The following GALNTL6 variants were observed in gnomAD, a reference collection of about 807,000 sequenced individuals.
GALNTL6 encodes the protein polypeptide N-acetylgalactosaminyltransferase like 6, also known as polypeptide N-acetylgalactosaminyltransferase-like 6.
Under a neutral mutation model 73.7 loss-of-function variants are expected in GALNTL6, and 46 were observed. The observed-to-expected ratio is 0.62, with a 90% CI of 0.49 to 0.80. The LOEUF is 0.80. GALNTL6 is among the 30% of genes least tolerant of loss of function. GALNTL6 has a pLI of 0.00. For synonymous variants in GALNTL6, 259 were observed against 263.7 expected, an observed-to-expected ratio of 0.98 and a Z score of 0.17; for missense variants, 604 against 755.0, an observed-to-expected ratio of 0.80 and a Z score of 2.34.
At chr4:172,010,506 T>A (rs1031010623) in intron 2 of GALNTL6, among the ~76,000 whole-genome samples, 9 of 152,080 alleles carry the variant, frequency 5.9e-5, no homozygotes, top group Non-Finnish European at 1.3e-4. Flanking sequence ...CATACATTTT[T>A]TTCACTTGTC....
intron 5 of GALNTL6, among the ~76,000 whole-genome samples, chr4:172,569,532 A>G (rs533763722): frequency 6.6e-6 from 1 of 152,322 alleles, no homozygotes; most frequent in South Asian, 2.1e-4. Flanking sequence ...TGCTTCAGCA[A>G]ACCTGTGGCA....
At chr4:173,016,029 C>T (rs115535280) in intron 11 of GALNTL6, among the ~76,000 whole-genome samples, 3,421 of 152,330 alleles carry the variant, frequency 0.022, 72 homozygotes, top group Non-Finnish European at 0.031. Context: ...GCCATTGATT[C>T]AGAGGGTGCA....
intron 5 of GALNTL6, among the ~76,000 whole-genome samples, chr4:172,485,944 A>G (rs983722865): frequency 1.3e-5 from 2 of 152,144 alleles, no homozygotes; most frequent in African/African-American, 4.8e-5. Flanking sequence ...ATCTCAGAGC[A>G]TGTAAACCAT....
At chr4:172,202,892 T>C (rs1316650233) in intron 2 of GALNTL6, among the ~76,000 whole-genome samples, 3 of 152,214 alleles carry the variant, frequency 2.0e-5, no homozygotes, top group Non-Finnish European at 4.4e-5. Flanking sequence ...AACATTTTAA[T>C]TGAGTTTTGA....
intron 5 of GALNTL6, among the ~76,000 whole-genome samples, chr4:172,588,052 TA>T (rs1737487973): frequency 6.6e-6 from 1 of 152,106 alleles, no homozygotes; most frequent in African/African-American, 2.4e-5. Context: ...GAACTGAAGA[TA>T]TGGTTGATAT....
chr4:172,446,557 C>T (rs562110147), intron 5 of GALNTL6, among the ~76,000 whole-genome samples: 1 of 152,142 alleles, frequency 6.6e-6, no homozygotes, highest in South Asian at 2.1e-4. Flanking sequence ...ATCATAAAGC[C>T]CATGCTAAAT....
intron 4 of GALNTL6, among the ~76,000 whole-genome samples, chr4:172,343,418 A>C (rs528080634): frequency 1.3e-5 from 2 of 152,336 alleles, no homozygotes; most frequent in South Asian, 4.1e-4. Flanking sequence ...ACATTGTTGC[A>C]TATGTACTAA....
At chr4:172,283,913 G>A (rs13120184) in intron 3 of GALNTL6, among the ~76,000 whole-genome samples, 2,970 of 152,174 alleles carry the variant, frequency 0.02, 97 homozygotes, top group African/African-American at 0.068. Context: ...ACTAAAATGT[G>A]AGAAAATACT....
At chr4:172,415,284 A>G (rs931397954) in intron 5 of GALNTL6, among the ~76,000 whole-genome samples, 2 of 152,198 alleles carry the variant, frequency 1.3e-5, no homozygotes, top group African/African-American at 4.8e-5. Flanking sequence ...TTATCCCTGA[A>G]TCAGTTTCAG....
At chr4:172,745,446 T>TATATATATATACACAC (rs34523518) in intron 5 of GALNTL6, among the ~76,000 whole-genome samples, 23,647 of 144,716 alleles carry the variant, frequency 0.16, 2,484 homozygotes, top group Middle Eastern at 0.32. Flanking sequence ...TATATATATG[T>TATATATATATACACAC]ACACATAACT....
chr4:172,956,630 C>G (rs1749766636), intron 10 of GALNTL6, among the ~76,000 whole-genome samples: 1 of 152,080 alleles, frequency 6.6e-6, no homozygotes, highest in African/African-American at 2.4e-5. Context: ...GGGGCACAGT[C>G]CAAGTTGGTC....
rs547337750 is a variant in GALNTL6 at position 171,899,226 on chromosome 4, T to C, written c.138+84508T>C. On this transcript the variant is annotated intron_variant, in intron 2 of 12. Transcript: ENST00000506823. ...TGTAATTAGCACTGAAAAGTTACTG[T>C]TTGTGTTACCCTATGGCAAAGGCTC... Among the ~76,000 whole-genome samples the C allele has an allele frequency of 4.3e-3, 632 of 146,190 alleles. 2 individuals carry two copies. The highest frequency in any genetic ancestry group is 4.7e-3 in the Non-Finnish European group (311 of 66,094).
intron 2 of GALNTL6, among the ~76,000 whole-genome samples, chr4:172,191,204 T>C (rs1735571437): frequency 6.6e-6 from 1 of 152,212 alleles, no homozygotes; most frequent in South Asian, 2.1e-4. Flanking sequence ...TAAACTAGGG[T>C]TATTCTTGAA....
At chr4:172,561,678 G>A (rs2110926928) in intron 5 of GALNTL6, among the ~76,000 whole-genome samples, 1 of 152,204 alleles carries the variant, frequency 6.6e-6, no homozygotes, top group Non-Finnish European at 1.5e-5. Flanking sequence ...TTAATGTGCT[G>A]GTTCTCAAAC....
At position 172,808,031 on chromosome 4, in the gene GALNTL6, C is replaced by T. The variant is rs75609207; in HGVS notation, c.554-1330C>T. The stretch of plus-strand genomic sequence containing the variant: ...AAAGACTGGGTTTCACCATGTCGGT[C>T]AGGCTGGTCTTGAACTCCCGAAATC... On this transcript the variant is annotated intron_variant, in intron 5 of 12. Coordinates refer to ENST00000506823, the MANE Select transcript of GALNTL6 (RefSeq NM_001034845.3). Among the ~76,000 whole-genome samples, 896 of 152,274 alleles carry T rather than the reference C, an allele frequency of 5.9e-3. 11 individuals carry two copies. Among genetic ancestry groups the T allele is most frequent in the African/African-American group, 0.021 (860 of 41,558 alleles).
At position 172,882,796 on chromosome 4, in the gene GALNTL6, T is replaced by C; in HGVS notation, c.930T>C (p.Pro310=). ...RADPSDPFES[P]VMAGGLFAVD... is the part of the protein sequence containing the mutation. ...TATTTTGTTCATTTCACAGGTCTCC[T>C]GTTATGGCTGGAGGTCTCTTTGCTG... Residue 310 remains proline, a synonymous_variant, in exon 8 of 13, where the codon CCT becomes CCC. Coordinates refer to ENST00000506823, the MANE Select transcript of GALNTL6 (RefSeq NM_001034845.3). 6.2e-7 allele frequency: 1 copy of C among 1,600,878 alleles called. No individual in the cohort carries two copies. Among genetic ancestry groups the C allele is most frequent in the Non-Finnish European group, 8.6e-7 (1 of 1,168,146 alleles).
chr4:171,868,905 T>C (rs995543929), intron 2 of GALNTL6, among the ~76,000 whole-genome samples: 1 of 152,182 alleles, frequency 6.6e-6, no homozygotes, highest in Non-Finnish European at 1.5e-5. Context: ...GGTCTCGAAC[T>C]CCTGACCTCA....
chr4:172,668,890 A>C (rs1731817737), intron 5 of GALNTL6: 1 of 152,158 alleles, frequency 6.6e-6, no homozygotes, highest in Non-Finnish European at 1.5e-5. Context: ...CACATCGATT[A>C]AGGTCAGGGC....
At chr4:172,273,298 G>A (rs932424909) in intron 3 of GALNTL6, among the ~76,000 whole-genome samples, 3 of 152,224 alleles carry the variant, frequency 2.0e-5, no homozygotes, top group East Asian at 1.9e-4. Context: ...TGTGTGCATC[G>A]TGCATTTTCA....
Sources: allele counts gnomAD v4.1 joint callset (sites outside exome capture counted in the v4.1 genomes callset), GRCh38; gene constraint gnomAD v4.1.1; transcripts MANE v1.5; gene names NCBI Gene and HGNC (gene_info 2026-07-23, HGNC 2026-07-21).